Variants in AKT3 observed in about 807,000 individuals in gnomAD.
AKT3 encodes the protein RAC-gamma serine/threonine-protein kinase.
A neutral mutation model predicts 65.3 loss-of-function variants in AKT3; 15 were observed. That is an observed-to-expected ratio of 0.23 (90% CI 0.15 to 0.35). The LOEUF (loss-of-function observed/expected upper bound fraction) is 0.35, where lower values mean the gene tolerates loss of function less well. Ranked by LOEUF, AKT3 falls within the 10% of genes least tolerant of loss-of-function variation. The probability of loss-of-function intolerance (pLI) is 1.00; values close to 1 mark genes in which losing one functional copy is unlikely to be tolerated. For synonymous variants in AKT3, 206 were observed against 183.8 expected (o/e 1.12, Z -0.98); for missense variants, 243 against 576.5 (o/e 0.42, Z 5.92).
intron 4 of AKT3, among the ~76,000 whole-genome samples, chr1:243,646,401 C>G (rs543586832): frequency 2.8e-4 from 43 of 151,884 alleles, no homozygotes; most frequent in African/African-American, 9.9e-4. Flanking sequence ...GTTGCCCAAG[C>G]TGGAGTTCAA....
intron 2 of AKT3, among the ~76,000 whole-genome samples, chr1:243,775,959 G>C (rs1010848999): frequency 6.6e-6 from 1 of 152,056 alleles, no homozygotes; most frequent in Non-Finnish European, 1.5e-5. Flanking sequence ...TAGATATAAA[G>C]AACACTAAAG....
chr1:243,759,561 T>A lies in AKT3; in HGVS notation c.47-63845A>T, dbSNP rs967543984. 4.6e-5 allele frequency among the ~76,000 whole-genome samples: 7 copies of A among 150,748 alleles called. No homozygotes were observed. In the East Asian group the frequency reaches 7.8e-4, roughly 17 times the overall value. ...TTATGAATTAAAAAGAAAAAAAAAA[T>A]AAAAATTCAAGGTCTTGTTCCAACA... is the stretch of plus-strand genomic sequence containing the variant. On this transcript the variant is annotated intron_variant, in intron 2 of 13. Transcript: ENST00000673466.
chr1:243,810,698 C>T (rs1202210077), intron 2 of AKT3, among the ~76,000 whole-genome samples: 1 of 152,142 alleles, frequency 6.6e-6, no homozygotes, highest in Non-Finnish European at 1.5e-5. Flanking sequence ...CATCCTGATA[C>T]CAAAGCCTGG....
chr1:243,821,781 C>A (rs1363464454), intron 2 of AKT3, among the ~76,000 whole-genome samples: 1 of 152,164 alleles, frequency 6.6e-6, no homozygotes, highest in Admixed American at 6.5e-5. Context: ...ATTCATAAAA[C>A]AAGTTCTTAG....
chr1:243,778,567 T>C (rs1290609207), intron 2 of AKT3, among the ~76,000 whole-genome samples: 1 of 152,190 alleles, frequency 6.6e-6, no homozygotes, highest in Non-Finnish European at 1.5e-5. Context: ...AGGCTTTCCA[T>C]ACTGTGTTAA....
chr1:243,722,312 T>C (rs930170973), intron 2 of AKT3, among the ~76,000 whole-genome samples: 4 of 152,146 alleles, frequency 2.6e-5, no homozygotes, highest in Admixed American at 6.6e-5. Context: ...GAAAAAGATA[T>C]ACATTAAAAT....
intron 2 of AKT3, among the ~76,000 whole-genome samples, chr1:243,751,506 T>C (rs183954381): frequency 3.3e-5 from 5 of 152,282 alleles, no homozygotes; most frequent in Non-Finnish European, 2.9e-5. Flanking sequence ...TTAAAATAAA[T>C]TCTTCATTTT....
intron 12 of AKT3, among the ~76,000 whole-genome samples, chr1:243,542,845 G>A (rs1672410340): frequency 6.6e-6 from 1 of 152,058 alleles, no homozygotes; most frequent in Non-Finnish European, 1.5e-5. Context: ...TAAAAGTGCT[G>A]CTATAATAAA....
At chr1:243,636,413 A>C (rs1352386427) in intron 6 of AKT3, among the ~76,000 whole-genome samples, 1 of 152,066 alleles carries the variant, frequency 6.6e-6, no homozygotes, top group African/African-American at 2.4e-5. Context: ...ATCACTTACT[A>C]AGCAGCAAAA....
chr1:243,661,202 A>C (rs1682294784), intron 4 of AKT3, among the ~76,000 whole-genome samples: 1 of 152,178 alleles, frequency 6.6e-6, no homozygotes, highest in Admixed American at 6.5e-5. Context: ...AATTGGAAAA[A>C]ACTACTTTAA....
intron 2 of AKT3, among the ~76,000 whole-genome samples, chr1:243,718,122 C>CT (rs1686626836): frequency 6.6e-6 from 1 of 152,112 alleles, no homozygotes; most frequent in African/African-American, 2.4e-5. Flanking sequence ...AGCAATTGCT[C>CT]CTAAAACACC....
intron 2 of AKT3, among the ~76,000 whole-genome samples, chr1:243,815,963 T>A (rs1693494864): frequency 6.6e-6 from 1 of 152,134 alleles, no homozygotes; most frequent in South Asian, 2.1e-4. Context: ...AAATTAGTAT[T>A]TTCAATACAA....
chr1:243,577,735 A>C (rs1675046002), intron 8 of AKT3, among the ~76,000 whole-genome samples: 1 of 152,196 alleles, frequency 6.6e-6, no homozygotes, highest in African/African-American at 2.4e-5. Context: ...AGAAACTACC[A>C]TCAGAGTGAA....
chr1:243,772,312 G>A (rs887338651), intron 2 of AKT3, among the ~76,000 whole-genome samples: 1 of 151,974 alleles, frequency 6.6e-6, no homozygotes, highest in African/African-American at 2.4e-5. Flanking sequence ...CTAATATCCA[G>A]AATCTACAAA....
At chr1:243,833,994 T>A (rs1694721515) in intron 2 of AKT3, among the ~76,000 whole-genome samples, 1 of 150,976 alleles carries the variant, frequency 6.6e-6, no homozygotes, top group South Asian at 2.2e-4. Context: ...TGAGCCACTG[T>A]GGCTGGGCTC....
At chr1:243,568,984 T>C (rs554933892) in intron 9 of AKT3, among the ~76,000 whole-genome samples, 2 of 152,312 alleles carry the variant, frequency 1.3e-5, no homozygotes, top group African/African-American at 2.4e-5. Flanking sequence ...GGAATGAAAA[T>C]AGCAGTTCCT....
At chr1:243,841,370 G>T (rs1244829501) in intron 2 of AKT3, among the ~76,000 whole-genome samples, 1 of 152,010 alleles carries the variant, frequency 6.6e-6, no homozygotes, top group Non-Finnish European at 1.5e-5. Context: ...AAACCATCTT[G>T]TGAAAGCAGA....
chr1:243,755,350 A>T (rs1689067424), intron 2 of AKT3, among the ~76,000 whole-genome samples: 1 of 151,704 alleles, frequency 6.6e-6, no homozygotes, highest in South Asian at 2.1e-4. Context: ...CTAGGATTAC[A>T]GGCATAAGTC....
At chr1:243,600,894 T>C (rs182239630) in intron 8 of AKT3, among the ~76,000 whole-genome samples, 1 of 152,232 alleles carries the variant, frequency 6.6e-6, no homozygotes, top group East Asian at 1.9e-4. Context: ...CCCTTCATAC[T>C]GGTTGGAAAG....
Sources: gnomAD v4.1 joint callset for allele counts (sites outside exome capture counted in the v4.1 genomes callset) on GRCh38, gnomAD v4.1.1 for gene constraint, MANE v1.5 for transcripts, NCBI Gene and HGNC (gene_info 2026-07-23, HGNC 2026-07-21) for gene names.